TXK: variants seen among roughly 807,000 people sequenced by gnomAD.
TXK encodes tyrosine-protein kinase TXK.
In TXK, 60 loss-of-function variants were observed where a neutral mutation model predicts 81.0. That is an observed-to-expected ratio of 0.74 (90% CI 0.60 to 0.92). TXK has a LOEUF of 0.92. TXK is among the 40% of genes least tolerant of loss of function. The pLI is 0.00. For synonymous variants in TXK, 203 were observed against 210.7 expected, an observed-to-expected ratio of 0.96 and a Z score of 0.32; for missense variants, 581 against 638.3, an observed-to-expected ratio of 0.91 and a Z score of 0.97.
intron 10 of TXK, among the ~76,000 whole-genome samples, chr4:48,084,323 G>A (rs1277644727): frequency 6.6e-6 from 1 of 151,698 alleles, no homozygotes; most frequent in Non-Finnish European, 1.5e-5. Flanking sequence ...CAAACTCCTA[G>A]GCTCAAGTGA....
In TXK at chr4:48,134,208, G is replaced by C; in HGVS notation, c.-38C>G. ...TGCGGGGAGCACACAACAGTCTTCA[G>C]TTCTTCTGCGGTGCTCTACTCACAA... is the stretch of plus-strand genomic sequence containing the variant. On this transcript the variant is annotated 5_prime_UTR_variant, in exon 1 of 15. Coordinates refer to ENST00000264316, the MANE Select transcript of TXK (RefSeq NM_003328.3). 1.2e-6 allele frequency: 2 copies of C among 1,611,198 alleles called. No individual in the cohort carries two copies. The highest frequency in any genetic ancestry group is 8.5e-7 in the Non-Finnish European group (1 of 1,178,732).
intron 12 of TXK, among the ~76,000 whole-genome samples, chr4:48,075,673 T>G (rs543585913): frequency 6.6e-6 from 1 of 151,974 alleles, no homozygotes; most frequent in Non-Finnish European, 1.5e-5. Context: ...CAGTTCTGAA[T>G]GAATCTTGCA....
chr4:48,120,216 TAC>T (rs1718918179), intron 1 of TXK, among the ~76,000 whole-genome samples: 1 of 92,820 alleles, frequency 1.1e-5, no homozygotes, highest in African/African-American at 2.7e-5. Flanking sequence ...CGTATATATG[TAC>T]ATATATACGT....
intron 11 of TXK, among the ~76,000 whole-genome samples, chr4:48,079,586 C>T (rs986005424): frequency 1.3e-5 from 2 of 152,154 alleles, no homozygotes; most frequent in Non-Finnish European, 2.9e-5. Flanking sequence ...CCCATATGCT[C>T]GGGGAGACTG....
At chr4:48,071,970 T>TC in intron 13 of TXK, among the ~76,000 whole-genome samples, 1 of 151,224 alleles carries the variant, frequency 6.6e-6, no homozygotes, top group South Asian at 2.1e-4. Flanking sequence ...TTTTTTTTTT[T>TC]TGAGACAGGG....
At chr4:48,073,875 A>G (rs1205440286) in intron 13 of TXK, 60 bp downstream of exon 13, 3 of 1,133,442 alleles carry the variant, frequency 2.6e-6, no homozygotes, top group Non-Finnish European at 3.9e-6. Flanking sequence ...AAAGTTAAAA[A>G]TAACACATTG....
intron 1 of TXK, among the ~76,000 whole-genome samples, chr4:48,125,129 AGAGGAACAGAGAGCTTCAGCCAT>A: frequency 6.6e-6 from 1 of 152,246 alleles, no homozygotes; most frequent in East Asian, 1.9e-4. Context: ...ATAAAGAAAC[AGAGGAACAGAGAGCTTCAGCCAT>A]TTATCCAGTC....
intron 1 of TXK, among the ~76,000 whole-genome samples, chr4:48,118,324 A>T (rs1353625045): frequency 6.6e-6 from 1 of 152,186 alleles, no homozygotes; most frequent in Non-Finnish European, 1.5e-5. Flanking sequence ...TTTCTCCCAT[A>T]AGCTGTTGGA....
chr4:48,099,885 A>G (rs935142123), intron 6 of TXK, among the ~76,000 whole-genome samples: 15 of 152,230 alleles, frequency 9.9e-5, no homozygotes, highest in African/African-American at 3.6e-4. Flanking sequence ...TGGATCAAAG[A>G]TAAAAATGCG....
intron 6 of TXK, among the ~76,000 whole-genome samples, chr4:48,101,989 A>AT (rs947178122): frequency 6.6e-6 from 1 of 151,892 alleles, no homozygotes; most frequent in African/African-American, 2.4e-5. Context: ...TTTTTAATTT[A>AT]TTTTTTTGAG....
chr4:48,116,330 G>T (rs942689898), intron 1 of TXK, among the ~76,000 whole-genome samples: 1 of 152,164 alleles, frequency 6.6e-6, no homozygotes, highest in Non-Finnish European at 1.5e-5. Flanking sequence ...ATTATAATAG[G>T]ATCGTGGTGA....
intron 14 of TXK, among the ~76,000 whole-genome samples, chr4:48,069,921 T>C (rs1716771153): frequency 6.6e-6 from 1 of 152,248 alleles, no homozygotes; most frequent in African/African-American, 2.4e-5. Flanking sequence ...TGAACATTTT[T>C]CTGAACATTT....
intron 12 of TXK, among the ~76,000 whole-genome samples, chr4:48,075,241 C>T (rs568321399): frequency 1.3e-5 from 2 of 152,278 alleles, no homozygotes; most frequent in Non-Finnish European, 2.9e-5. Context: ...TGACACAGAA[C>T]CAGTGCTCTT....
intron 1 of TXK, among the ~76,000 whole-genome samples, chr4:48,117,713 A>T (rs963813234): frequency 2.0e-5 from 3 of 152,224 alleles, no homozygotes; most frequent in Admixed American, 2.0e-4. Flanking sequence ...TTCCAGACTC[A>T]TGTATCCTGG....
intron 6 of TXK, among the ~76,000 whole-genome samples, chr4:48,104,542 T>A (rs867781202): frequency 1.4e-4 from 1 of 7,132 alleles, no homozygotes; most frequent in African/African-American, 2.7e-4. Flanking sequence ...TATATATATT[T>A]TATATATATA....
intron 1 of TXK, among the ~76,000 whole-genome samples, chr4:48,124,886 A>G (rs1399067670): frequency 6.6e-6 from 1 of 152,246 alleles, no homozygotes; most frequent in Non-Finnish European, 1.5e-5. Flanking sequence ...AGGCTTTAGT[A>G]TCAGGCAGAC....
chr4:48,114,161 G>A (rs1718728263), intron 2 of TXK, among the ~76,000 whole-genome samples, 187 bp downstream of exon 2: 1 of 152,222 alleles, frequency 6.6e-6, no homozygotes, highest in African/African-American at 2.4e-5. Context: ...AAAGGATCAG[G>A]AAAGGATCCC....
chr4:48,097,710 A>G (rs983143219), intron 6 of TXK, among the ~76,000 whole-genome samples: 4 of 148,562 alleles, frequency 2.7e-5, no homozygotes, highest in African/African-American at 1.0e-4. Context: ...TGCTGGGATT[A>G]CAGGCGTGAG....
In TXK at chr4:48,113,274, T is replaced by C; in HGVS notation, c.107A>G (p.Glu36Gly). 1 of 1,613,486 alleles carries C rather than the reference T, an allele frequency of 6.2e-7. No individual in the cohort carries two copies. The highest frequency in any genetic ancestry group is 1.1e-5 in the South Asian group (1 of 91,002). The change falls in exon 3 of 15, where the codon GAA (glutamate) becomes GGA (glycine). Residue 36 changes from glutamate to glycine, a missense_variant. Coordinates refer to ENST00000264316, the MANE Select transcript of TXK (RefSeq NM_003328.3). ...MRTQISLSTD[E>G]ELPEKYTQRR... ...CTGGGTGTATTTTTCTGGAAGCTCT[T>C]CATCTGTGCTCAGGCTTATCTGTGT...
Sources: allele counts gnomAD v4.1 joint callset (sites outside exome capture counted in the v4.1 genomes callset), GRCh38; gene constraint gnomAD v4.1.1; transcripts MANE v1.5; gene names NCBI Gene and HGNC (gene_info 2026-07-23, HGNC 2026-07-21).